SLC2A9: variants seen among roughly 807,000 people sequenced by gnomAD.
SLC2A9 encodes the protein solute carrier family 2 member 9.
SLC2A9 carries 39 observed loss-of-function variants against 50.6 expected under a neutral mutation model. The observed-to-expected ratio is 0.77, with a 90% confidence interval of 0.60 to 1.01. The LOEUF (loss-of-function observed/expected upper bound fraction) is 1.01. Among genes scored for constraint, SLC2A9 ranks in the 50% least tolerant of loss-of-function variants. The probability of loss-of-function intolerance (pLI) is 0.00; values close to 1 mark genes in which losing one functional copy is unlikely to be tolerated. For synonymous variants in SLC2A9, 324 were observed against 276.9 expected, an observed-to-expected ratio of 1.17 and a Z score of -1.69; for missense variants, 686 against 677.6, an observed-to-expected ratio of 1.01 and a Z score of -0.14.
At chr4:9,867,638 G>T (rs1206720650) in intron 10 of SLC2A9, among the ~76,000 whole-genome samples, 1 of 152,192 alleles carries the variant, frequency 6.6e-6, no homozygotes, top group Non-Finnish European at 1.5e-5. Flanking sequence ...GCCCCATCAT[G>T]GGGAGTACAG....
intron 7 of SLC2A9, among the ~76,000 whole-genome samples, chr4:9,918,016 C>A (rs529546391): frequency 6.6e-6 from 1 of 152,238 alleles, no homozygotes; most frequent in East Asian, 1.9e-4. Context: ...TGTGCAGGCA[C>A]CACCCCTGGG....
Position 9,810,934 on chromosome 4 carries a change from C to G in SLC2A9, n.421-11693G>C, listed in dbSNP as rs1722806249. On this transcript the variant is annotated intron_variant and non_coding_transcript_variant, in intron 3 of 3. Transcript: ENST00000503280. The stretch of plus-strand genomic sequence containing the variant: ...ATGATGAACAGAGCCTGTTTTGAAC[C>G]ACACTAGCGATAGTTGTGTCTTCCA... 2.6e-5 allele frequency among the ~76,000 whole-genome samples: 4 copies of G among 152,316 alleles called. No individual in the cohort carries two copies. The South Asian group carries it at 8.3e-4, about 32-fold the overall frequency.
chr4:9,949,541 G>A (rs1245617219), intron 5 of SLC2A9, among the ~76,000 whole-genome samples: 1 of 152,142 alleles, frequency 6.6e-6, no homozygotes, highest in African/African-American at 2.4e-5. Flanking sequence ...TCATGCCAAG[G>A]CACATGAGAA....
downstream of SLC2A9, among the ~76,000 whole-genome samples, chr4:9,775,852 C>A (rs1484496430): frequency 1.3e-5 from 2 of 152,188 alleles, no homozygotes; most frequent in African/African-American, 4.8e-5. Context: ...TGGCCTAATA[C>A]ACCATCTTTG....
At chr4:9,978,692 A>G (rs1251864193) in intron 5 of SLC2A9, among the ~76,000 whole-genome samples, 2 of 152,260 alleles carry the variant, frequency 1.3e-5, no homozygotes, top group African/African-American at 4.8e-5. Flanking sequence ...TATGACAACC[A>G]CAAATGTAAA....
At chr4:9,895,163 T>C (rs1033383595) in intron 8 of SLC2A9, among the ~76,000 whole-genome samples, 4 of 152,198 alleles carry the variant, frequency 2.6e-5, no homozygotes, top group African/African-American at 7.2e-5. Context: ...GTGAGGGACA[T>C]GTGGCTTTTT....
intron 2 of SLC2A9, among the ~76,000 whole-genome samples, chr4:10,014,241 C>T (rs3796832): frequency 0.42 from 64,364 of 151,962 alleles, 15,367 homozygotes; most frequent in Non-Finnish European, 0.54. Flanking sequence ...GATCGCTGGA[C>T]GCTGGGCTGA....
chr4:9,832,378 G>C (rs1012238979), intron 11 of SLC2A9, among the ~76,000 whole-genome samples: 1 of 152,158 alleles, frequency 6.6e-6, no homozygotes, highest in Non-Finnish European at 1.5e-5. Context: ...GAAATTAACC[G>C]TGGGTGCCTT....
At chr4:9,792,830 T>C (rs1379237439) in intron 3 of SLC2A9, 4 of 340 alleles carry the variant, frequency 0.012, no homozygotes, top group South Asian at 0.1. Context: ...TCAGATGAGA[T>C]TGGGGCATGT....
intron 10 of SLC2A9, among the ~76,000 whole-genome samples, chr4:9,858,945 C>T (rs1731159351): frequency 6.6e-6 from 1 of 152,210 alleles, no homozygotes; most frequent in Non-Finnish European, 1.5e-5. Flanking sequence ...CATCTTTCTC[C>T]TGGGCTGGAT....
intron 5 of SLC2A9, among the ~76,000 whole-genome samples, chr4:9,965,232 T>TG (rs1368142254): frequency 2.0e-5 from 3 of 152,306 alleles, no homozygotes; most frequent in Non-Finnish European, 2.9e-5. Context: ...TGGGGAGCTG[T>TG]GATGCAGATC....
chr4:9,842,170 A>G (rs1307487969), intron 10 of SLC2A9, among the ~76,000 whole-genome samples: 2 of 151,754 alleles, frequency 1.3e-5, no homozygotes, highest in African/African-American at 4.8e-5. Context: ...TTTCTTAGGT[A>G]TTTGCAGGAG....
chr4:9,935,499 T>C (rs929456226), intron 6 of SLC2A9, among the ~76,000 whole-genome samples: 1 of 152,182 alleles, frequency 6.6e-6, no homozygotes, highest in African/African-American at 2.4e-5. Context: ...AACCTGGAGC[T>C]GAGCTGGTTC....
intron 10 of SLC2A9, among the ~76,000 whole-genome samples, chr4:9,850,155 C>T (rs1177852889): frequency 2.0e-5 from 3 of 152,078 alleles, no homozygotes. Flanking sequence ...TTTCCTGGCC[C>T]CCAGCGACTC....
intron 11 of SLC2A9, among the ~76,000 whole-genome samples, chr4:9,829,290 G>A (rs1725646482): frequency 1.3e-5 from 2 of 152,014 alleles, no homozygotes; most frequent in African/African-American, 2.4e-5. Context: ...TGTTATCCCA[G>A]CTACTTGAGA....
intron 10 of SLC2A9, among the ~76,000 whole-genome samples, chr4:9,850,972 C>T (rs1430689218): frequency 1.3e-5 from 2 of 151,918 alleles, no homozygotes; most frequent in African/African-American, 4.8e-5. Flanking sequence ...CTGGCAACCC[C>T]ACCCCCACCA....
intron 5 of SLC2A9, among the ~76,000 whole-genome samples, chr4:9,970,748 T>C (rs1336966846): frequency 6.6e-6 from 1 of 151,818 alleles, no homozygotes; most frequent in Non-Finnish European, 1.5e-5. Context: ...ACTCAGTACC[T>C]GTTTTAAGAA....
intron 3 of SLC2A9, among the ~76,000 whole-genome samples, chr4:9,817,269 T>C (rs1432478136): frequency 6.6e-6 from 1 of 152,196 alleles, no homozygotes; most frequent in Non-Finnish European, 1.5e-5. Context: ...ACTCGAAGGT[T>C]CTTAGGATTA....
At chr4:9,881,577 A>C (rs1735218955) in intron 10 of SLC2A9, among the ~76,000 whole-genome samples, 1 of 152,214 alleles carries the variant, frequency 6.6e-6, no homozygotes, top group Non-Finnish European at 1.5e-5. Flanking sequence ...TTCAGGCCAC[A>C]TGTGGTCCCT....
Sources: allele counts gnomAD v4.1 joint callset (sites outside exome capture counted in the v4.1 genomes callset), GRCh38; gene constraint gnomAD v4.1.1; transcripts MANE v1.5; gene names NCBI Gene and HGNC (gene_info 2026-07-23, HGNC 2026-07-21).